The following BRD4 variants were observed in gnomAD, a reference collection of about 807,000 sequenced individuals.
BRD4 encodes the protein bromodomain containing 4, also known as bromodomain-containing protein 4.
BRD4 carries 16 observed loss-of-function variants against 142.1 expected under a neutral mutation model. That is an observed-to-expected ratio of 0.11 (90% CI 0.08 to 0.17). The LOEUF (loss-of-function observed/expected upper bound fraction) is 0.17, where lower values mean the gene tolerates loss of function less well. Ranked by LOEUF, BRD4 falls within the 10% of genes least tolerant of loss-of-function variation. BRD4 has a pLI of 1.00. For synonymous variants in BRD4, 833 were observed against 707.5 expected, an observed-to-expected ratio of 1.18 and a Z score of -2.82; for missense variants, 1,424 against 1,810.9, an observed-to-expected ratio of 0.79 and a Z score of 3.88.
At chr19:15,250,198 C>T (rs1227017558) in intron 11 of BRD4, among the ~76,000 whole-genome samples, 1 of 152,198 alleles carries the variant, frequency 6.6e-6, no homozygotes, top group Non-Finnish European at 1.5e-5. Flanking sequence ...CCCATGAAGC[C>T]CCAGAATCCC....
intron 7 of BRD4, among the ~76,000 whole-genome samples, chr19:15,261,617 G>A (rs1384999919): frequency 6.6e-6 from 1 of 152,172 alleles, no homozygotes; most frequent in Non-Finnish European, 1.5e-5. Context: ...GTGAAGAGAG[G>A]GCAACAATTC....
intron 3 of BRD4, 70 bp downstream of exon 3, chr19:15,268,835 G>A: frequency 1.3e-6 from 2 of 1,574,288 alleles, no homozygotes; most frequent in Non-Finnish European, 1.7e-6. Flanking sequence ...ACGGGCTCCT[G>A]ACATGCCCAC....
intron 11 of BRD4, among the ~76,000 whole-genome samples, chr19:15,245,838 CCTT>C (rs751195408): frequency 4.4e-4 from 67 of 152,334 alleles, no homozygotes; most frequent in Non-Finnish European, 5.9e-4. Context: ...CGCCTGAGCT[CCTT>C]GTCAGGGTGC....
rs1340971461 is a variant in BRD4 at position 15,253,092 on chromosome 19, C to T, written c.2158+1060G>A. 9 of 254,458 alleles carry T rather than the reference C, an allele frequency of 3.5e-5. No individual in the cohort carries two copies. The Admixed American group carries it at 4.1e-4, about 12-fold the overall frequency. 15.8% of individuals were successfully genotyped at this position (254,458 alleles called of 1,614,324 possible). A position where few individuals can be genotyped will look rare whatever the true frequency, so the allele number is the denominator to read the frequency against. On this transcript the variant is annotated intron_variant, in intron 11 of 19. Coordinates refer to ENST00000679869, the MANE Select transcript of BRD4 (RefSeq NM_001379291.1). ...GAGTCTACTGCCAAAACACAGGTTT[C>T]CCACTGTGGATCCCCACTCCCCAGT...
At chr19:15,247,505 G>A (rs995637970) in intron 11 of BRD4, 4 of 233,104 alleles carry the variant, frequency 1.7e-5, no homozygotes, top group Non-Finnish European at 3.4e-5. Flanking sequence ...GGACAGCGAG[G>A]TTGAAAGGAC....
Position 15,293,469 on chromosome 19 carries a change from G to A in BRD4, c.-34-20336C>T, listed in dbSNP as rs555723297. Among the ~76,000 whole-genome samples, 23 of 152,302 alleles carry A rather than the reference G, an allele frequency of 1.5e-4. No individual in the cohort carries two copies. In the South Asian group the frequency reaches 1.9e-3, roughly 12 times the overall value. The stretch of plus-strand genomic sequence containing the variant: ...CAACTCGATAGCAGGAAAGCAGACA[G>A]CTATGTCCTCTTGCCAAAAGAAAAA... On this transcript the variant is annotated intron_variant, in intron 1 of 19. Coordinates refer to ENST00000679869, the MANE Select transcript of BRD4 (RefSeq NM_001379291.1).
rs371555101 is a variant in BRD4 at position 15,239,862 on chromosome 19, C to T, written c.3283-41G>A. ...CACAGCGGCCGGTGAGGTGGGCAGG[C>T]ACCCCCGGCCCTAGCCCACAGGACT... On this transcript the variant is annotated intron_variant, in intron 15 of 19. Coordinates refer to ENST00000679869, the MANE Select transcript of BRD4 (RefSeq NM_001379291.1). The surrounding 1 kb of genome is among the most constrained non-coding windows in gnomAD (Gnocchi z 7.4). 22 of 1,613,832 alleles carry T rather than the reference C, an allele frequency of 1.4e-5. No individual in the cohort carries two copies. In the African/African-American group the frequency reaches 1.5e-4, roughly 11 times the overall value.
chr19:15,292,818 A>G (rs1418997517), intron 1 of BRD4, among the ~76,000 whole-genome samples: 1 of 147,586 alleles, frequency 6.8e-6, no homozygotes, highest in African/African-American at 2.5e-5. Context: ...AAAAAAAAGA[A>G]AGAAAGAAAG....
chr19:15,307,165 GAC>G (rs2047921274), intron 1 of BRD4, among the ~76,000 whole-genome samples: 1 of 152,178 alleles, frequency 6.6e-6, no homozygotes, highest in Admixed American at 6.5e-5. Flanking sequence ...CAAGTTGAGT[GAC>G]ACAAATCAGA....
chr19:15,332,325 G>T lies in BRD4; in HGVS notation c.-70C>A, dbSNP rs1440125518. The T allele has an allele frequency of 6.9e-6, 1 of 145,876 alleles. No homozygotes were observed. Among genetic ancestry groups the T allele is most frequent in the Non-Finnish European group, 1.5e-5 (1 of 65,456 alleles). 9.0% of individuals were successfully genotyped at this position (145,876 alleles called of 1,614,324 possible). On this transcript the variant is annotated 5_prime_UTR_variant, in exon 1 of 20. Transcript: ENST00000679869. Reference sequence around the variant, plus strand: ...AGGCCGCACGCCGCCCCCGCCGGCCGTCCGCCCGCTGCCGCCGCCCCCTCC... The same window carrying T: ...AGGCCGCACGCCGCCCCCGCCGGCCTTCCGCCCGCTGCCGCCGCCCCCTCC...
chr19:15,317,993 T>TA (rs767060183), intron 1 of BRD4, among the ~76,000 whole-genome samples: 4 of 152,250 alleles, frequency 2.6e-5, no homozygotes, highest in Non-Finnish European at 4.4e-5. Flanking sequence ...GGCAGCTTTT[T>TA]ATAACTGAAA....
chr19:15,283,876 GAC>G (rs1203356684), intron 1 of BRD4, among the ~76,000 whole-genome samples: 1 of 152,174 alleles, frequency 6.6e-6, no homozygotes, highest in African/African-American at 2.4e-5. Flanking sequence ...TGCTTTCAGA[GAC>G]ACCATGACCC....
intron 1 of BRD4, among the ~76,000 whole-genome samples, chr19:15,282,978 T>A: frequency 6.6e-6 from 1 of 152,212 alleles, no homozygotes; most frequent in Middle Eastern, 3.4e-3. Context: ...AAAATAATAA[T>A]AAATTAAATA....
chr19:15,239,951 G>T lies in BRD4; in HGVS notation c.3241C>A (p.His1081Asn), dbSNP rs2047225597. The T allele has an allele frequency of 6.2e-7, 1 of 1,613,950 alleles. No homozygotes were observed. Among genetic ancestry groups the T allele is most frequent in the African/African-American group, 1.3e-5 (1 of 74,920 alleles). The change falls in exon 15 of 20, where the codon CAC becomes AAC. Residue 1081 changes from histidine (H) to asparagine (N), a missense_variant. Physicochemically the swap from His to Asn is moderately conservative, Grantham distance 68. Coordinates refer to ENST00000679869, the MANE Select transcript of BRD4 (RefSeq NM_001379291.1). The surrounding 1 kb of genome is among the most constrained non-coding windows in gnomAD (Gnocchi z 7.4). ...PQMSQFQSLTHQSPPQQNVQP... is the reference protein window; with the variant it reads ...PQMSQFQSLTNQSPPQQNVQP... ...ACGTTTTGCTGGGGTGGAGACTGGT[G>T]GGTCAGGCTCTGGAACTGTGACATC...
intron 1 of BRD4, among the ~76,000 whole-genome samples, chr19:15,284,816 G>C (rs1246453005): frequency 1.3e-5 from 2 of 152,204 alleles, no homozygotes; most frequent in African/African-American, 4.8e-5. Flanking sequence ...GACGACTACA[G>C]CTAAGGAAGC....
intron 6 of BRD4, chr19:15,263,996 T>C (rs1461279063): frequency 2.2e-5 from 5 of 230,742 alleles, no homozygotes; most frequent in Non-Finnish European, 4.2e-5. Flanking sequence ...ATGGTGAAAA[T>C]GTCGGCACTT....
intron 14 of BRD4, 75 bp downstream of exon 14, chr19:15,242,825 C>T (rs945874139): frequency 3.1e-5 from 48 of 1,545,674 alleles, no homozygotes; most frequent in Middle Eastern, 1.7e-4. Context: ...ATGAGTTAAC[C>T]CTTCTGGCTT....
At position 15,237,487 on chromosome 19, in the gene BRD4, C is replaced by T. The variant is rs2047202521; in HGVS notation, c.*890G>A. The stretch of plus-strand genomic sequence containing the variant: ...ACTATACAGTACAGCCACGGTCACA[C>T]ACTACCCACAGCGCGGTGGCAGCCG... On this transcript the variant is annotated 3_prime_UTR_variant, in exon 20 of 20. Coordinates refer to ENST00000679869, the MANE Select transcript of BRD4 (RefSeq NM_001379291.1). The T allele has an allele frequency of 4.4e-6, 1 of 226,640 alleles. No individual in the cohort carries two copies. Among genetic ancestry groups the T allele is most frequent in the Non-Finnish European group, 8.8e-6 (1 of 114,062 alleles). The allele number at this position is 226,640 out of a possible 1,614,324, so 14.0% of individuals were successfully genotyped here.
intron 1 of BRD4, among the ~76,000 whole-genome samples, chr19:15,326,225 C>T (rs972843587): frequency 6.5e-4 from 96 of 148,138 alleles, no homozygotes; most frequent in Admixed American, 3.4e-3. Context: ...CACTTTGGGA[C>T]GCCGAGGTAG....
Sources: gnomAD v4.1 joint callset for allele counts (sites outside exome capture counted in the v4.1 genomes callset) on GRCh38, gnomAD v4.1.1 for gene constraint, Gnocchi (gnomAD v3.1) non-coding constraint, MANE v1.5 for transcripts, NCBI Gene and HGNC (gene_info 2026-07-23, HGNC 2026-07-21) for gene names.